DAB1: variants seen among roughly 807,000 people sequenced by gnomAD.
The protein encoded by DAB1 is DAB adaptor protein 1, also known as disabled homolog 1.
Under a neutral mutation model 64.6 loss-of-function variants are expected in DAB1, and 15 were observed. That is an observed-to-expected ratio of 0.23 (90% CI 0.16 to 0.36). The LOEUF (loss-of-function observed/expected upper bound fraction) is 0.36, where lower values mean the gene tolerates loss of function less well. DAB1 is among the 10% of genes least tolerant of loss of function. The pLI, the probability that DAB1 is intolerant of heterozygous loss-of-function variation, is 1.00. For synonymous variants in DAB1, 235 were observed against 251.9 expected, an observed-to-expected ratio of 0.93 and a Z score of 0.64; for missense variants, 596 against 706.7, an observed-to-expected ratio of 0.84 and a Z score of 1.78.
At chr1:58,290,189 A>T (rs1435001898) in intron 4 of DAB1, among the ~76,000 whole-genome samples, 4 of 152,172 alleles carry the variant, frequency 2.6e-5, no homozygotes, top group Non-Finnish European at 5.9e-5. Flanking sequence ...CTTGACAGAG[A>T]GGAATGTAAA....
intron 3 of DAB1, among the ~76,000 whole-genome samples, chr1:58,453,432 G>A (rs975833644): frequency 3.3e-5 from 5 of 152,128 alleles, no homozygotes; most frequent in African/African-American, 1.2e-4. Context: ...TCCTACTCGC[G>A]AGTCTTTGCT....
intron 3 of DAB1, among the ~76,000 whole-genome samples, chr1:58,466,036 T>C (rs923856077): frequency 1.3e-5 from 2 of 152,126 alleles, no homozygotes; most frequent in Non-Finnish European, 2.9e-5. Context: ...TCCTCTCAGA[T>C]ACCCAGCTTC....
chr1:57,221,342 C>T (rs1349108389), intron 2 of DAB1, among the ~76,000 whole-genome samples: 1 of 151,364 alleles, frequency 6.6e-6, no homozygotes, highest in Admixed American at 6.6e-5. Flanking sequence ...CACATGTATA[C>T]ATATGTAACA....
chr1:58,228,676 T>C (rs1659620210), intron 4 of DAB1: 1 of 1,107,744 alleles, frequency 9.0e-7, no homozygotes, highest in Non-Finnish European at 1.3e-6. Context: ...TGGCTTGGGG[T>C]GAGGGCTCAG....
chr1:58,181,220 G>T (rs1195199208), intron 4 of DAB1, among the ~76,000 whole-genome samples: 2 of 151,918 alleles, frequency 1.3e-5, no homozygotes, highest in African/African-American at 4.8e-5. Flanking sequence ...TTTCTAATAA[G>T]ACTTTTTGTT....
At chr1:57,880,824 T>G (rs920913684) in intron 1 of DAB1, 1 of 152,202 alleles carries the variant, frequency 6.6e-6, no homozygotes, top group African/African-American at 2.4e-5. Flanking sequence ...TGTATTAAAT[T>G]GAAATCCAGT....
intron 2 of DAB1, among the ~76,000 whole-genome samples, chr1:57,206,968 C>CTTTTTTTTTTTTTTTTTTTTTT (rs201111039): frequency 2.4e-5 from 2 of 84,476 alleles, no homozygotes; most frequent in African/African-American, 4.9e-5. Flanking sequence ...TCCTTCCTTC[C>CTTTTTTTTTTTTTTTTTTTTTT]TTTTTTTTTT....
chr1:57,630,403 G>T (rs1257100195), intron 7 of DAB1, among the ~76,000 whole-genome samples: 2 of 152,074 alleles, frequency 1.3e-5, no homozygotes, highest in Non-Finnish European at 2.9e-5. Flanking sequence ...CCTCACCTCG[G>T]GAAAATTGTC....
At chr1:57,450,131 C>A (rs935044759) in intron 7 of DAB1, among the ~76,000 whole-genome samples, 8 of 152,210 alleles carry the variant, frequency 5.3e-5, no homozygotes, top group Non-Finnish European at 8.8e-5. Context: ...CTGTAAGGCA[C>A]AAAGCCTTGC....
chr1:58,027,091 A>T (rs1281702026), intron 5 of DAB1, among the ~76,000 whole-genome samples: 1 of 152,250 alleles, frequency 6.6e-6, no homozygotes, highest in African/African-American at 2.4e-5. Context: ...TCAGGCCCAG[A>T]TCAGTAGAAA....
At position 57,870,816 on chromosome 1, in the gene DAB1, C is replaced by T. The variant is rs548937087; in HGVS notation, n.87+13183G>A. 1.6e-4 allele frequency among the ~76,000 whole-genome samples: 25 copies of T among 152,164 alleles called. 2 individuals are homozygous for T. The South Asian group carries it at 4.6e-3, about 28-fold the overall frequency. On this transcript the variant is annotated intron_variant and non_coding_transcript_variant, in intron 1 of 1. Coordinates refer to the DAB1 transcript ENST00000477280. ...GACAGAACCATATCGGTTTGTATCCCAATTTGACAATTTGACAAACTCACA... is the reference window on the plus strand; with the variant it reads ...GACAGAACCATATCGGTTTGTATCCTAATTTGACAATTTGACAAACTCACA...
chr1:57,478,879 C>T (rs1256570832), intron 7 of DAB1, among the ~76,000 whole-genome samples: 1 of 151,910 alleles, frequency 6.6e-6, no homozygotes, highest in Non-Finnish European at 1.5e-5. Context: ...GGATTACAGG[C>T]GTGAGCCACT....
At chr1:57,565,309 C>T (rs1452134898) in intron 7 of DAB1, among the ~76,000 whole-genome samples, 2 of 152,198 alleles carry the variant, frequency 1.3e-5, no homozygotes, top group Non-Finnish European at 2.9e-5. Flanking sequence ...GTACCAGCCA[C>T]TGCAAAAACA....
At chr1:57,924,946 T>C (rs74822441) in intron 5 of DAB1, among the ~76,000 whole-genome samples, 3,034 of 152,294 alleles carry the variant, frequency 0.02, 67 homozygotes, top group East Asian at 0.081. Flanking sequence ...TAGTTATTAA[T>C]AGTATTTGTA....
chr1:57,397,908 A>G (rs879273115), intron 1 of DAB1, among the ~76,000 whole-genome samples: 3 of 152,208 alleles, frequency 2.0e-5, no homozygotes, highest in African/African-American at 4.8e-5. Flanking sequence ...TTTAAATTTT[A>G]CCCTGTTTAA....
intron 7 of DAB1, among the ~76,000 whole-genome samples, chr1:57,456,012 C>A (rs1329007542): frequency 1.3e-5 from 2 of 152,116 alleles, no homozygotes; most frequent in Non-Finnish European, 2.9e-5. Context: ...GGTTAAGGCA[C>A]TGTGTTTTAT....
rs1339959024 is a variant in DAB1, at chr1:57,183,110, A to T, written c.68-37681T>A. On this transcript the variant is annotated intron_variant, in intron 2 of 14. Transcript: ENST00000371236. ...GGGGTATTTAACCTGAGATGATAAA[A>T]TGTGAAATTTTAGAATACAAACAGA... 2.6e-5 allele frequency among the ~76,000 whole-genome samples: 4 copies of T among 152,062 alleles called. No homozygotes were observed. In the East Asian group the frequency reaches 7.8e-4, roughly 30 times the overall value.
rs147019287 is a variant in DAB1 at position 58,086,557 on chromosome 1, T to C, written n.387+63954A>G. Among the ~76,000 whole-genome samples the C allele has an allele frequency of 5.5e-4, 84 of 152,192 alleles. 1 individual carries two copies. The highest frequency in any genetic ancestry group is 1.8e-3 in the African/African-American group (73 of 41,526). ...TTTGATGTTTGGAAGTCTTTGATGG[T>C]ACCTCATTAACCACAGTACAAAGTT... On this transcript the variant is annotated intron_variant and non_coding_transcript_variant, in intron 5 of 20. Coordinates refer to the DAB1 transcript ENST00000485760.
chr1:57,438,449 T>G (rs1334733798), intron 7 of DAB1, among the ~76,000 whole-genome samples: 1 of 152,114 alleles, frequency 6.6e-6, no homozygotes. Flanking sequence ...TCATCTTCCT[T>G]GGGTGCTGTG....
Sources: allele counts gnomAD v4.1 joint callset (sites outside exome capture counted in the v4.1 genomes callset), GRCh38; gene constraint gnomAD v4.1.1; transcripts MANE v1.5; gene names NCBI Gene and HGNC (gene_info 2026-07-23, HGNC 2026-07-21).